Variants in ZNG1A observed in about 807,000 individuals in gnomAD.
The protein encoded by ZNG1A is zinc-regulated GTPase metalloprotein activator 1A.
At chr9:122,227 A>T in the ZNG1A span, 1 of 1,403,870 alleles carries the variant, frequency 7.1e-7, no homozygotes, top group Admixed American at 2.9e-5. Context: ...AAAATTACTT[A>T]ATTCCAATTA....
chr9:138,814 G>C, the ZNG1A span, among the ~76,000 whole-genome samples: 7 of 149,500 alleles, frequency 4.7e-5, no homozygotes, highest in Admixed American at 2.0e-4. Flanking sequence ...TGAGATGGGA[G>C]GATCACTTGA....
the ZNG1A span, chr9:156,583 C>T: frequency 6.4e-7 from 1 of 1,566,028 alleles, no homozygotes; most frequent in East Asian, 2.3e-5. Flanking sequence ...AATCTAATGT[C>T]AACACAAAGG....
At chr9:162,527 A>T in the ZNG1A span, 2 of 1,565,806 alleles carry the variant, frequency 1.3e-6, no homozygotes, top group Non-Finnish European at 1.7e-6. Context: ...TAATATTTGT[A>T]CAACCATACT....
the ZNG1A span, among the ~76,000 whole-genome samples, chr9:142,969 A>C: frequency 7.1e-6 from 1 of 140,942 alleles, no homozygotes; most frequent in Non-Finnish European, 1.5e-5. Context: ...TCCTTGACAC[A>C]TACACCCTCC....
chr9:140,422 G>T, the ZNG1A span, among the ~76,000 whole-genome samples: 1 of 151,144 alleles, frequency 6.6e-6, no homozygotes, highest in African/African-American at 2.5e-5. Flanking sequence ...TCACACGGCC[G>T]GGTACTCCAA....
the ZNG1A span, chr9:122,290 T>G: frequency 7.0e-7 from 1 of 1,430,912 alleles, no homozygotes; most frequent in Non-Finnish European, 9.1e-7. Flanking sequence ...AAAAGGTTTC[T>G]GTGTATTGAT....
chr9:146,265 G>C, the ZNG1A span: 2 of 1,300,040 alleles, frequency 1.5e-6, no homozygotes, highest in Admixed American at 3.8e-5. Context: ...AAAATTCATA[G>C]AAGTGGGCAA....
At chr9:120,911 G>C in the ZNG1A span, 1 of 161,626 alleles carries the variant, frequency 6.2e-6, no homozygotes, top group African/African-American at 2.4e-5. Context: ...CATTCCTTTA[G>C]TGTGGGCTGT....
chr9:168,310 A>G, the ZNG1A span, among the ~76,000 whole-genome samples: 1 of 151,518 alleles, frequency 6.6e-6, no homozygotes, highest in Non-Finnish European at 1.5e-5. Context: ...CTGGAGTGCA[A>G]TGTGCAATCT....
chr9:172,359 C>T, the ZNG1A span: 3 of 615,764 alleles, frequency 4.9e-6, no homozygotes, highest in African/African-American at 5.6e-5. Context: ...ACAATAGATG[C>T]ATATATATAA....
At chr9:156,096 C>G in the ZNG1A span, among the ~76,000 whole-genome samples, 1 of 150,024 alleles carries the variant, frequency 6.7e-6, no homozygotes, top group Non-Finnish European at 1.5e-5. Context: ...GCCTGCACTT[C>G]AGCCTGGGTG....
At chr9:126,828 G>A in the ZNG1A span, among the ~76,000 whole-genome samples, 516 of 152,118 alleles carry the variant, frequency 3.4e-3, 2 homozygotes, top group African/African-American at 0.011. Context: ...GCTCAGGGCC[G>A]TGAACCTTCC....
the ZNG1A span, chr9:150,111 C>T: frequency 2.1e-5 from 3 of 142,432 alleles, no homozygotes; most frequent in Admixed American, 1.5e-4. Context: ...TTAACCAAAT[C>T]TCCGGTTTTG....
At chr9:176,806 A>C in the ZNG1A span, among the ~76,000 whole-genome samples, 1 of 151,756 alleles carries the variant, frequency 6.6e-6, no homozygotes, top group African/African-American at 2.4e-5. Flanking sequence ...AAATCTTCTA[A>C]GAGAAGATTT....
chr9:175,311 G>C, the ZNG1A span, among the ~76,000 whole-genome samples: 630 of 151,876 alleles, frequency 4.1e-3, no homozygotes, highest in African/African-American at 0.014. Flanking sequence ...CCAGGAGACA[G>C]AGGTGGCAGT....
chr9:160,151 A>T, the ZNG1A span: 3 of 454,684 alleles, frequency 6.6e-6, no homozygotes, highest in African/African-American at 4.0e-5. Context: ...CTATGATTAA[A>T]AAATGAATAT....
the ZNG1A span, among the ~76,000 whole-genome samples, chr9:158,228 G>A: frequency 6.6e-6 from 1 of 150,846 alleles, no homozygotes; most frequent in Non-Finnish European, 1.5e-5. Context: ...AATATTTGTT[G>A]AATGAATTGT....
the ZNG1A span, chr9:156,353 G>C: frequency 3.0e-6 from 4 of 1,312,906 alleles, no homozygotes; most frequent in African/African-American, 1.5e-5. Context: ...ATTCAACTAA[G>C]GGAAAAAAAG....
At chr9:145,064 T>C in the ZNG1A span, among the ~76,000 whole-genome samples, 1 of 144,876 alleles carries the variant, frequency 6.9e-6, no homozygotes, top group Admixed American at 6.8e-5. Context: ...CTGGAGAGGA[T>C]GTGGAGAAAT....
Sources: gnomAD v4.1 joint callset for allele counts (sites outside exome capture counted in the v4.1 genomes callset) on GRCh38, gnomAD v4.1.1 for gene constraint, MANE v1.5 for transcripts, NCBI Gene and HGNC (gene_info 2026-07-23, HGNC 2026-07-21) for gene names.